OR9I1: variants seen among roughly 807,000 people sequenced by gnomAD.
OR9I1 encodes the protein olfactory receptor family 9 subfamily I member 1.
A neutral mutation model predicts 11.2 loss-of-function variants in OR9I1; 7 were observed. The observed-to-expected ratio is 0.62, with a 90% CI of 0.36 to 1.17. The LOEUF is 1.17. OR9I1 is among the 50% of genes most tolerant of loss of function. The pLI, the probability that OR9I1 is intolerant of heterozygous loss-of-function variation, is 0.02. For synonymous variants in OR9I1, 165 were observed against 153.4 expected (o/e 1.08, Z -0.56); for missense variants, 428 against 377.2 (o/e 1.13, Z -1.12).
chr11:58,119,616 T>G, intron 2 of OR9I1, 150 bp from the exon 3 acceptor site: 12 of 584,884 alleles, frequency 2.1e-5, no homozygotes, highest in East Asian at 5.6e-5. Flanking sequence ...TGGGCATCTC[T>G]TGCATTTTAT....
rs778738524 is a variant in OR9I1, at chr11:58,118,545, G to A, written c.900C>T (p.Ala300=). Reference sequence around the variant, plus strand: ...GGAGTCTCCTAGCGACCTTTCTGAAGGCGTCTTTTACATCTTTGTTTCTTA... The same window carrying A: ...GGAGTCTCCTAGCGACCTTTCTGAAAGCGTCTTTTACATCTTTGTTTCTTA... The part of the protein sequence containing the change: ...YSLRNKDVKD[A]FRKVARRLQV... Residue 300 remains alanine, a synonymous_variant, in exon 3 of 3, where the codon GCC becomes GCT. Coordinates refer to ENST00000641439, the MANE Select transcript of OR9I1 (RefSeq NM_001005211.2). 1 of 1,613,096 alleles carries A rather than the reference G, an allele frequency of 6.2e-7. No individual in the cohort carries two copies. Among genetic ancestry groups the A allele is most frequent in the Middle Eastern group, 1.7e-4 (1 of 6,046 alleles).
intron 2 of OR9I1, among the ~76,000 whole-genome samples, chr11:58,119,980 G>A (rs552725514): frequency 6.6e-6 from 1 of 152,204 alleles, no homozygotes; most frequent in South Asian, 2.1e-4. Flanking sequence ...TGATGAATCT[G>A]CTCTTCCTGC....
chr11:58,119,291 C>G lies in OR9I1; in HGVS notation c.154G>C (p.Asp52His). 2 of 1,613,918 alleles carry G rather than the reference C, an allele frequency of 1.2e-6. No individual in the cohort carries two copies. The highest frequency in any genetic ancestry group is 1.7e-6 in the Non-Finnish European group (2 of 1,179,922). The change falls in exon 3 of 3, where the codon GAT (aspartate) becomes CAT (histidine). Residue 52 changes from aspartate (D) to histidine (H), a missense_variant. Physicochemically the swap from Asp to His is moderately conservative, Grantham distance 81. Coordinates refer to ENST00000641439, the MANE Select transcript of OR9I1 (RefSeq NM_001005211.2). Reference sequence around the variant, plus strand: ...TACATTGGGGTGTAGAGTTTGACATCTACTTGGATTAACATAATCATCCCC... The same window carrying G: ...TACATTGGGGTGTAGAGTTTGACATGTACTTGGATTAACATAATCATCCCC... The part of the protein sequence containing the change: ...NVGMIMLIQV[D>H]VKLYTPMYFF...
At chr11:58,122,500 C>T (rs147126538) in intron 2 of OR9I1, among the ~76,000 whole-genome samples, 1 of 152,286 alleles carries the variant, frequency 6.6e-6, no homozygotes, top group Non-Finnish European at 1.5e-5. Context: ...TTGTTTCTCA[C>T]AATCCATGAT....
rs940711505 is a variant in OR9I1 at position 58,117,429 on chromosome 11, A to G, written c.*1071T>C. On this transcript the variant is annotated 3_prime_UTR_variant, in exon 3 of 3. Transcript: ENST00000641439. The stretch of plus-strand genomic sequence containing the variant: ...TTGCAAAATGGGAATTTTACATTAA[A>G]CTATGTTTTTCCCATTTGCCATAGA... 1 of 152,218 alleles carries G rather than the reference A, an allele frequency of 6.6e-6. No homozygotes were observed. Among genetic ancestry groups the G allele is most frequent in the Admixed American group, 6.5e-5 (1 of 15,280 alleles). 9.4% of individuals were successfully genotyped at this position (152,218 alleles called of 1,614,324 possible). A position where few individuals can be genotyped will look rare whatever the true frequency, so the allele number is the denominator to read the frequency against.
chr11:58,120,971 T>G (rs539950622), intron 2 of OR9I1, among the ~76,000 whole-genome samples: 9 of 152,030 alleles, frequency 5.9e-5, no homozygotes, highest in South Asian at 2.1e-4. Context: ...TGGGAATGCT[T>G]GCTAATTTAA....
rs1376708116 is a variant in OR9I1, at chr11:58,119,609, G to T, written c.-22-143C>A. The T allele has an allele frequency of 2.2e-5, 13 of 583,838 alleles. No individual in the cohort carries two copies. In the Admixed American group the frequency reaches 3.1e-4, roughly 14 times the overall value. 36.2% of individuals were successfully genotyped at this position (583,838 alleles called of 1,614,324 possible). On this transcript the variant is annotated intron_variant, in intron 2 of 2. Transcript: ENST00000641439. ...TCTGAAACTGGCTGATTTTCCTTGG[G>T]CATCTCTTGCATTTTATGGAACTGA... is the stretch of plus-strand genomic sequence containing the variant.
rs370828996 is a variant in OR9I1 at position 58,118,741 on chromosome 11, G to T, written c.704C>A (p.Ala235Asp). The T allele has an allele frequency of 3.3e-5, 54 of 1,613,952 alleles. No homozygotes were observed. The highest frequency in any genetic ancestry group is 4.5e-5 in the Non-Finnish European group (53 of 1,179,972). Residue 235 changes from alanine to aspartate, a missense_variant, in exon 3 of 3, where the codon GCC (alanine) becomes GAC (aspartate). Transcript: ENST00000641439. The part of the protein sequence containing the change: ...ILKVKSSGGR[A>D]KTFSTCASHI... ...AGAGGCACATGTGGAGAAAGTCTTG[G>T]CCCTGCCACCTGAAGACTTCACTTT...
chr11:58,118,271 G>T lies in OR9I1; in HGVS notation c.*229C>A. On this transcript the variant is annotated 3_prime_UTR_variant, in exon 3 of 3. Coordinates refer to ENST00000641439, the MANE Select transcript of OR9I1 (RefSeq NM_001005211.2). ...TGACATTAGAGAATATTAAGAGACT[G>T]CCCAGTGCTAAGGAATGGATTGAAA... The T allele has an allele frequency of 2.3e-6, 1 of 432,400 alleles. No homozygotes were observed. Among genetic ancestry groups the T allele is most frequent in the East Asian group, 3.6e-5 (1 of 27,542 alleles). 26.8% of individuals were successfully genotyped at this position (432,400 alleles called of 1,614,324 possible).
intron 2 of OR9I1, among the ~76,000 whole-genome samples, chr11:58,119,721 T>C (rs1457895100): frequency 6.6e-6 from 1 of 152,146 alleles, no homozygotes; most frequent in Non-Finnish European, 1.5e-5. Context: ...ATTCTTAGGT[T>C]TGGAAGAGAC....
Position 58,118,785 on chromosome 11 carries a change from G to GAGCAGAT in OR9I1, c.653_659dup (p.Ile221SerfsTer88). 1 of 1,614,066 alleles carries GAGCAGAT rather than the reference G, an allele frequency of 6.2e-7. No homozygotes were observed. Among genetic ancestry groups the GAGCAGAT allele is most frequent in the Non-Finnish European group, 8.5e-7 (1 of 1,179,996 alleles). On this transcript the variant is annotated frameshift_variant, in exon 3 of 3. Transcript: ENST00000641439. LOFTEE classifies it high-confidence loss of function. ...TCACTTTCAAAATGGTCTTGATGATGAGCAGATAGGAAATCAGGATGACGG... is the reference window on the plus strand; with the variant it reads ...TCACTTTCAAAATGGTCTTGATGATGAGCAGATAGCAGATAGGAAATCAGGATGACGG...
At chr11:58,119,566 A>C (rs914881693) in intron 2 of OR9I1, 100 bp from the exon 3 acceptor site, 7 of 660,310 alleles carry the variant, frequency 1.1e-5, no homozygotes, top group Non-Finnish European at 1.8e-5. Context: ...CTATTTGTAG[A>C]GTTTGTTTTT....
rs1853989029 is a variant in OR9I1, at chr11:58,118,819, G to A, written c.626C>T (p.Ala209Val). Residue 209 changes from alanine to valine, a missense_variant, in exon 3 of 3, where the codon GCC becomes GTC. Transcript: ENST00000641439. ...IIFFGNFVIL[A>V]NASVILISYL... ...GGAAATCAGGATGACGGAGGCATTG[G>A]CCAAAATCACAAAATTGCCAAAGAA... 1 of 1,613,922 alleles carries A rather than the reference G, an allele frequency of 6.2e-7. No homozygotes were observed. Among genetic ancestry groups the A allele is most frequent in the Non-Finnish European group, 8.5e-7 (1 of 1,180,002 alleles).
In OR9I1 at chr11:58,118,747, C is replaced by T. The variant is rs1411444521; in HGVS notation, c.698G>A (p.Gly233Asp). ...KTILKVKSSG[G>D]RAKTFSTCAS... The stretch of plus-strand genomic sequence containing the variant: ...ACATGTGGAGAAAGTCTTGGCCCTG[C>T]CACCTGAAGACTTCACTTTCAAAAT... The change falls in exon 3 of 3, where the codon GGC becomes GAC. Residue 233 changes from glycine (G) to aspartate (D), a missense_variant. Coordinates refer to ENST00000641439, the MANE Select transcript of OR9I1 (RefSeq NM_001005211.2). The T allele has an allele frequency of 1.2e-6, 2 of 1,614,018 alleles. No homozygotes were observed. The highest frequency in any genetic ancestry group is 1.3e-5 in the African/African-American group (1 of 75,032).
chr11:58,123,284 C>A (rs563711731), intron 2 of OR9I1, among the ~76,000 whole-genome samples: 35 of 152,280 alleles, frequency 2.3e-4, no homozygotes, highest in Middle Eastern at 6.8e-3. Flanking sequence ...AGAAATCTCC[C>A]TGCAGTTAAT....
intron 2 of OR9I1, 145 bp downstream of exon 2, chr11:58,124,293 G>C (rs1471615616): frequency 6.6e-6 from 1 of 152,108 alleles, no homozygotes; most frequent in Non-Finnish European, 1.5e-5. Context: ...AACATTTATA[G>C]GTTGATATTA....
Position 58,118,522 on chromosome 11 carries a change from A to C in OR9I1, c.923T>G (p.Leu308Arg). Reference protein sequence around the residue: ...KDAFRKVARRLQVSLSM With the variant: ...KDAFRKVARRRQVSLSM ...GATCTACATGCTCAGGGACACCTGGAGTCTCCTAGCGACCTTTCTGAAGGC... is the reference window on the plus strand; with the variant it reads ...GATCTACATGCTCAGGGACACCTGGCGTCTCCTAGCGACCTTTCTGAAGGC... Residue 308 changes from leucine (L) to arginine (R), a missense_variant, in exon 3 of 3, where the codon CTC (leucine) becomes CGC (arginine). Leu to Arg is a moderately radical substitution (Grantham distance 102). Transcript: ENST00000641439. The C allele has an allele frequency of 1.2e-6, 2 of 1,605,516 alleles. No individual in the cohort carries two copies. Among genetic ancestry groups the C allele is most frequent in the East Asian group, 2.2e-5 (1 of 44,822 alleles).
Position 58,118,652 on chromosome 11 carries a change from C to G in OR9I1, c.793G>C (p.Gly265Arg), listed in dbSNP as rs1162248535. 1 of 1,613,964 alleles carries G rather than the reference C, an allele frequency of 6.2e-7. No homozygotes were observed. Residue 265 changes from glycine (G) to arginine (R), a missense_variant, in exon 3 of 3, where the codon GGC becomes CGC. Gly to Arg is a moderately radical substitution (Grantham distance 125). Coordinates refer to ENST00000641439, the MANE Select transcript of OR9I1 (RefSeq NM_001005211.2). The part of the protein sequence containing the change: ...LIFMYLQSGS[G>R]KSLEEDKVVS... ...ACTTTGTCTTCCTCCAGAGATTTGC[C>G]TGAGCCACTTTGCAGATACATGAAG...
At chr11:58,122,554 G>A (rs1854044679) in intron 2 of OR9I1, among the ~76,000 whole-genome samples, 1 of 152,148 alleles carries the variant, frequency 6.6e-6, no homozygotes, top group South Asian at 2.1e-4. Flanking sequence ...TAAATACTGA[G>A]TATATAAAGC....
Sources: gnomAD v4.1 joint callset for allele counts (sites outside exome capture counted in the v4.1 genomes callset) on GRCh38, gnomAD v4.1.1 for gene constraint, MANE v1.5 for transcripts, NCBI Gene and HGNC (gene_info 2026-07-23, HGNC 2026-07-21) for gene names.